SYNCRIP: variants seen among roughly 807,000 people sequenced by gnomAD.
SYNCRIP encodes heterogeneous nuclear ribonucleoprotein Q.
In SYNCRIP, 9 loss-of-function variants were observed where a neutral mutation model predicts 68.9. The ratio of observed to expected loss-of-function variants is 0.13; its 90% CI spans 0.08 to 0.23. SYNCRIP has a LOEUF of 0.23. Ranked by LOEUF, SYNCRIP falls within the 10% of genes least tolerant of loss-of-function variation. SYNCRIP has a pLI of 1.00. For missense variants in SYNCRIP, 414 were observed against 770.6 expected (o/e 0.54, Z 5.48); for synonymous variants, 258 against 254.0 (o/e 1.02, Z -0.15).
intron 6 of SYNCRIP, among the ~76,000 whole-genome samples, chr6:85,628,858 A>G (rs537940245): frequency 3.9e-4 from 59 of 152,226 alleles, no homozygotes; most frequent in Non-Finnish European, 6.6e-4. Flanking sequence ...TGGAGATTCA[A>G]GTTACCAAAC....
downstream of SYNCRIP, chr6:85,611,796 T>G (rs1260655137): frequency 1.3e-5 from 2 of 152,594 alleles, no homozygotes; most frequent in Non-Finnish European, 2.9e-5. Flanking sequence ...AGAAATGCAC[T>G]AATGAAACAT....
exon 12 of SYNCRIP, chr6:85,608,722 T>C (rs1469157280): frequency 3.3e-5 from 5 of 152,084 alleles, no homozygotes; most frequent in Non-Finnish European, 2.9e-5. Flanking sequence ...CAGACTACTG[T>C]TAATATTAAA....
intron 10 of SYNCRIP, among the ~76,000 whole-genome samples, chr6:85,616,540 T>G (rs1266062064): frequency 6.6e-6 from 1 of 152,108 alleles, no homozygotes; most frequent in African/African-American, 2.4e-5. Context: ...GCCAGGCTGG[T>G]CTCGAACTCC....
intron 2 of SYNCRIP, 68 bp from the exon 3 acceptor site, chr6:85,640,632 G>C: frequency 1.1e-6 from 1 of 934,666 alleles, no homozygotes. Flanking sequence ...GACTATGTTG[G>C]CAATACAGGT....
At chr6:85,641,908 T>C (rs1192096022) in intron 1 of SYNCRIP, among the ~76,000 whole-genome samples, 11 of 152,106 alleles carry the variant, frequency 7.2e-5, no homozygotes, top group African/African-American at 2.4e-4. Context: ...ACAAGCCACC[T>C]TCCCACCACC....
chr6:85,615,375 T>C, intron 10 of SYNCRIP, 28 bp from the exon 11 acceptor site: 4 of 1,410,386 alleles, frequency 2.8e-6, no homozygotes, highest in Non-Finnish European at 3.8e-6. Context: ...GAGATTAGAG[T>C]TTAAATCAAA....
chr6:85,641,673 A>C (rs576904376), intron 1 of SYNCRIP, among the ~76,000 whole-genome samples: 1 of 152,132 alleles, frequency 6.6e-6, no homozygotes, highest in African/African-American at 2.4e-5. Flanking sequence ...CCCCTGACTC[A>C]CCTGCTAACA....
chr6:85,625,502 C>T (rs1184175996), intron 6 of SYNCRIP, among the ~76,000 whole-genome samples: 1 of 152,090 alleles, frequency 6.6e-6, no homozygotes, highest in Admixed American at 6.5e-5. Flanking sequence ...ATTCTCCTCC[C>T]TCTACCTCCC....
Position 85,637,156 on chromosome 6 carries a change from T to C in SYNCRIP, c.490-13A>G, listed in dbSNP as rs370967875. ...TTCCCACAAATATCTGTAAATTAAA[T>C]ATTAAGTAAAAACCATGGAGAATTG... On this transcript the variant is annotated splice_polypyrimidine_tract_variant and intron_variant, in intron 5 of 10. Coordinates refer to ENST00000369622, the MANE Select transcript of SYNCRIP (RefSeq NM_006372.5). The C allele has an allele frequency of 4.7e-5, 75 of 1,607,582 alleles. No homozygotes were observed. Among genetic ancestry groups the C allele is most frequent in the Non-Finnish European group, 5.8e-5 (68 of 1,177,868 alleles).
intron 6 of SYNCRIP, among the ~76,000 whole-genome samples, chr6:85,631,339 C>CAAAAAAAAAAAAAAAAAAAAAAAAAAA (rs71003000): frequency 1.1e-5 from 1 of 91,816 alleles, no homozygotes; most frequent in African/African-American, 5.0e-5. Context: ...ACTGTGTCTC[C>CAAAAAAAAAAAAAAAAAAAAAAAAAAA]AAAAAAAAAA....
At chr6:85,624,259 T>C in intron 6 of SYNCRIP, 147 bp from the exon 7 acceptor site, 6 of 724,704 alleles carry the variant, frequency 8.3e-6, no homozygotes, top group African/African-American at 1.8e-5. Flanking sequence ...CAGATTATAT[T>C]AACAAGACCC....
intron 6 of SYNCRIP, among the ~76,000 whole-genome samples, chr6:85,632,933 T>C (rs1807979800): frequency 1.3e-5 from 2 of 151,332 alleles, no homozygotes; most frequent in South Asian, 2.1e-4. Flanking sequence ...ACAACCTGTC[T>C]CCGAAAACAG....
intron 6 of SYNCRIP, among the ~76,000 whole-genome samples, chr6:85,630,234 C>T (rs1583290049): frequency 1.3e-5 from 2 of 151,970 alleles, no homozygotes; most frequent in South Asian, 2.1e-4. Context: ...TGGTGGCAGG[C>T]GCCTGTAGTC....
chr6:85,643,463 C>A (rs1809450953), upstream of SYNCRIP, among the ~76,000 whole-genome samples: 3 of 152,024 alleles, frequency 2.0e-5, no homozygotes, highest in African/African-American at 4.8e-5. Flanking sequence ...CCGACGGTGG[C>A]GGCCGAGGGG....
rs553193844 is a variant in SYNCRIP, at chr6:85,617,647, G to A, written c.1280+1171C>T. On this transcript the variant is annotated intron_variant, in intron 10 of 10. Coordinates refer to ENST00000369622, the MANE Select transcript of SYNCRIP (RefSeq NM_006372.5). ...TGTCTGATCCCATTTTAGAACTGAA[G>A]AAATTGAGGTTCAGAGCTTGCCAAC... Among the ~76,000 whole-genome samples, 8 of 152,310 alleles carry A rather than the reference G, an allele frequency of 5.3e-5. No homozygotes were observed. In the South Asian group the frequency reaches 1.7e-3, roughly 32 times the overall value.
downstream of SYNCRIP, chr6:85,608,093 T>C (rs892767829): frequency 3.9e-5 from 6 of 152,092 alleles, no homozygotes; most frequent in Admixed American, 2.0e-4. Flanking sequence ...CAACAGAATA[T>C]TTCCATCAAA....
At chr6:85,639,456 C>A (rs913624631) in intron 4 of SYNCRIP, among the ~76,000 whole-genome samples, 2 of 152,278 alleles carry the variant, frequency 1.3e-5, no homozygotes, top group Non-Finnish European at 2.9e-5. Flanking sequence ...TCTTAAACAG[C>A]TAACTCCATA....
rs1244021344 is a variant in SYNCRIP at position 85,641,512 on chromosome 6, G to A, written c.-12-61C>T. 6 of 1,509,424 alleles carry A rather than the reference G, an allele frequency of 4.0e-6. No individual in the cohort carries two copies. In the African/African-American group the frequency reaches 4.2e-5, roughly 10 times the overall value. The allele number at this position is 1,509,424 out of a possible 1,614,324, so 93.5% of individuals were successfully genotyped here. On this transcript the variant is annotated intron_variant, in intron 1 of 10. Coordinates refer to ENST00000369622, the MANE Select transcript of SYNCRIP (RefSeq NM_006372.5). ...CTTCAAAAAGAATACAAGACAATAT[G>A]AGAGCCCCATCTTTACTTTCTCTAC...
chr6:85,623,579 A>AAAAAAAAAAAACAAAAAAAAAAAAC (rs1554184894), intron 7 of SYNCRIP, among the ~76,000 whole-genome samples: 22 of 125,864 alleles, frequency 1.7e-4, no homozygotes, highest in South Asian at 7.6e-4. Flanking sequence ...AAAAAAAAAA[A>AAAAAAAAAAAACAAAAAAAAAAAAC]AAAACACTCT....
Sources: allele counts gnomAD v4.1 joint callset (sites outside exome capture counted in the v4.1 genomes callset), GRCh38; gene constraint gnomAD v4.1.1; transcripts MANE v1.5; gene names NCBI Gene and HGNC (gene_info 2026-07-23, HGNC 2026-07-21).